The following NEK11 variants were observed in gnomAD, a reference collection of about 807,000 sequenced individuals.
NEK11 encodes the protein NIMA related kinase 11.
NEK11 carries 72 observed loss-of-function variants against 80.7 expected under a neutral mutation model. The observed-to-expected ratio is 0.89, with a 90% CI of 0.74 to 1.08. The LOEUF (loss-of-function observed/expected upper bound fraction) is 1.08. Among genes scored for constraint, NEK11 ranks in the 50% least tolerant of loss-of-function variants. The probability of loss-of-function intolerance (pLI) is 0.00; values close to 1 mark genes in which losing one functional copy is unlikely to be tolerated. For missense variants in NEK11, 764 were observed against 763.6 expected (o/e 1.00, Z -0.01); for synonymous variants, 251 against 260.7 (o/e 0.96, Z 0.36).
chr3:131,190,678 T>C (rs2150273061), intron 14 of NEK11, among the ~76,000 whole-genome samples: 1 of 152,300 alleles, frequency 6.6e-6, no homozygotes, highest in East Asian at 1.9e-4. Context: ...CCTCAGGTAT[T>C]CTTTATAATT....
intron 15 of NEK11, among the ~76,000 whole-genome samples, chr3:131,235,605 G>A (rs1489721518): frequency 1.3e-5 from 2 of 152,078 alleles, no homozygotes; most frequent in African/African-American, 2.4e-5. Flanking sequence ...AGGCACAGGG[G>A]TCTATGTCAT....
chr3:131,128,196 G>C (rs1560540295), intron 5 of NEK11, among the ~76,000 whole-genome samples: 1 of 151,896 alleles, frequency 6.6e-6, no homozygotes, highest in South Asian at 2.1e-4. Context: ...TTTACATTAG[G>C]GTTCATTCTT....
chr3:131,214,397 C>T (rs977601218), intron 14 of NEK11, among the ~76,000 whole-genome samples: 1 of 152,166 alleles, frequency 6.6e-6, no homozygotes, highest in Non-Finnish European at 1.5e-5. Flanking sequence ...CAGCACATCC[C>T]ACTATGTACC....
At chr3:131,341,364 T>C (rs1236966212) in intron 17 of NEK11, among the ~76,000 whole-genome samples, 1 of 152,194 alleles carries the variant, frequency 6.6e-6, no homozygotes, top group Non-Finnish European at 1.5e-5. Flanking sequence ...ATTACAGATT[T>C]CTAACAATTT....
At chr3:131,109,980 G>T in intron 5 of NEK11, 59 bp downstream of exon 5, 1 of 1,515,780 alleles carries the variant, frequency 6.6e-7, no homozygotes, top group South Asian at 1.3e-5. Context: ...GTTTGAACTT[G>T]AAAAGTGAAT....
intron 17 of NEK11, among the ~76,000 whole-genome samples, chr3:131,320,542 G>T (rs2096886931): frequency 6.6e-6 from 1 of 151,270 alleles, no homozygotes; most frequent in Non-Finnish European, 1.5e-5. Context: ...AGAGAGAGAA[G>T]GAAAGACAGC....
chr3:131,235,263 G>T (rs1275296678), intron 15 of NEK11, among the ~76,000 whole-genome samples: 1 of 152,092 alleles, frequency 6.6e-6, no homozygotes, highest in Non-Finnish European at 1.5e-5. Flanking sequence ...ACCCTCTAGT[G>T]CTTTTCTCTC....
chr3:131,225,339 G>A (rs1561067956), intron 14 of NEK11, among the ~76,000 whole-genome samples: 1 of 152,090 alleles, frequency 6.6e-6, no homozygotes, highest in Non-Finnish European at 1.5e-5. Context: ...TTATACCATC[G>A]AGGTTTGTAA....
intron 15 of NEK11, among the ~76,000 whole-genome samples, chr3:131,232,701 A>G (rs951499927): frequency 2.0e-5 from 3 of 152,212 alleles, no homozygotes; most frequent in African/African-American, 4.8e-5. Context: ...GCGATAGGCA[A>G]GGCCTGAGAT....
chr3:131,106,777 A>C (rs1427080660), intron 4 of NEK11, among the ~76,000 whole-genome samples: 1 of 152,214 alleles, frequency 6.6e-6, no homozygotes, highest in East Asian at 1.9e-4. Flanking sequence ...ATAAAGAAAA[A>C]GAAATATGTT....
intron 16 of NEK11, among the ~76,000 whole-genome samples, chr3:131,265,676 C>CT (rs976791075): frequency 2.0e-5 from 3 of 151,900 alleles, no homozygotes; most frequent in Admixed American, 6.6e-5. Flanking sequence ...CTGAAATTTT[C>CT]TTTTTTTTGT....
In NEK11 at chr3:131,324,010, G is replaced by A. The variant is rs145025226; in HGVS notation, c.1719-25547G>A. Among the ~76,000 whole-genome samples the A allele has an allele frequency of 5.1e-4, 77 of 152,280 alleles. No individual in the cohort carries two copies. In the East Asian group the frequency reaches 0.015, roughly 29 times the overall value. On this transcript the variant is annotated intron_variant, in intron 17 of 17. Coordinates refer to ENST00000383366, the MANE Select transcript of NEK11 (RefSeq NM_024800.5). ...AAGGACTCAGTGACAGTGTGGTATT[G>A]GGAGGTGAATCTGTTGAAGAAAAAA...
intron 14 of NEK11, chr3:131,174,707 A>G (rs2092906362): frequency 1.3e-6 from 2 of 1,554,850 alleles, no homozygotes; most frequent in Non-Finnish European, 8.7e-7. Flanking sequence ...TATCTTGCAC[A>G]TTAATTTTTG....
chr3:131,037,972 G>A, intron 3 of NEK11, among the ~76,000 whole-genome samples: 1 of 151,980 alleles, frequency 6.6e-6, no homozygotes, highest in Non-Finnish European at 1.5e-5. Flanking sequence ...AGTGGTTTAC[G>A]CCGTGGAGAG....
chr3:131,046,263 A>G (rs1309047912), intron 3 of NEK11, among the ~76,000 whole-genome samples: 1 of 152,182 alleles, frequency 6.6e-6, no homozygotes, highest in Non-Finnish European at 1.5e-5. Context: ...TTTTCAAGAT[A>G]TAGAACTCCT....
Position 131,152,484 on chromosome 3 carries a change from C to T in NEK11, c.744C>T (p.Asp248=), listed in dbSNP as rs1560661394. 2 of 1,612,314 alleles carry T rather than the reference C, an allele frequency of 1.2e-6. No homozygotes were observed. The highest frequency in any genetic ancestry group is 1.7e-6 in the Non-Finnish European group (2 of 1,178,482). The change falls in exon 8 of 18, where the codon GAC becomes GAT. Residue 248 remains aspartate (D), a synonymous_variant. Coordinates refer to ENST00000383366, the MANE Select transcript of NEK11 (RefSeq NM_024800.5). The part of the protein sequence containing the change: ...LSIVLKIVEG[D]TPSLPERYPK... The stretch of plus-strand genomic sequence containing the variant: ...TTGTTTTAAAAATTGTTGAAGGTGA[C>T]ACACCTTCTCTCCCTGAGAGATATC...
At position 131,350,365 on chromosome 3, in the gene NEK11, GATTT is replaced by G. The variant is rs2097432245; in HGVS notation, c.*594_*597del. 1.3e-5 allele frequency: 2 copies of G among 152,290 alleles called. No homozygotes were observed. The highest frequency in any genetic ancestry group is 2.9e-5 in the Non-Finnish European group (2 of 68,064). The allele number at this position is 152,290 out of a possible 1,614,324, so 9.4% of individuals were successfully genotyped here. A position where few individuals can be genotyped will look rare whatever the true frequency, so the allele number is the denominator to read the frequency against. ...AATCCAAAAAGTGATTCTCTTCTATGATTTATTTCAAACTCATCCATAGATAATT... is the reference window on the plus strand; with the variant it reads ...AATCCAAAAAGTGATTCTCTTCTATGATTTCAAACTCATCCATAGATAATT... On this transcript the variant is annotated 3_prime_UTR_variant, in exon 18 of 18. Transcript: ENST00000383366.
chr3:131,090,084 A>G (rs1399666701), intron 4 of NEK11, among the ~76,000 whole-genome samples: 2 of 152,134 alleles, frequency 1.3e-5, no homozygotes, highest in African/African-American at 4.8e-5. Context: ...TTAAGGTTGT[A>G]AGTGCTTTGA....
At chr3:131,217,942 T>C (rs2094897636) in intron 14 of NEK11, among the ~76,000 whole-genome samples, 1 of 152,018 alleles carries the variant, frequency 6.6e-6, no homozygotes, top group Non-Finnish European at 1.5e-5. Flanking sequence ...AGACTAAACC[T>C]CCAGAGAGAA....
Sources: allele counts gnomAD v4.1 joint callset (sites outside exome capture counted in the v4.1 genomes callset), GRCh38; gene constraint gnomAD v4.1.1; transcripts MANE v1.5; gene names NCBI Gene and HGNC (gene_info 2026-07-23, HGNC 2026-07-21).